Variants in KDM4C observed in about 807,000 individuals in gnomAD.
KDM4C encodes lysine demethylase 4C.
In KDM4C, 81 loss-of-function variants were observed where a neutral mutation model predicts 129.3. The observed-to-expected ratio is 0.63, with a 90% CI of 0.52 to 0.75. The LOEUF (loss-of-function observed/expected upper bound fraction) is 0.75. KDM4C is among the 30% of genes least tolerant of loss of function. The pLI, the probability that KDM4C is intolerant of heterozygous loss-of-function variation, is 0.00. For synonymous variants in KDM4C, 573 were observed against 456.1 expected (o/e 1.26, Z -3.26); for missense variants, 1,457 against 1,304.0 (o/e 1.12, Z -1.81).
At chr9:7,024,809 T>C (rs896251642) in intron 15 of KDM4C, among the ~76,000 whole-genome samples, 9 of 152,218 alleles carry the variant, frequency 5.9e-5, no homozygotes, top group Admixed American at 1.3e-4. Context: ...TGCATGTGTC[T>C]TTATAGCAGC....
chr9:6,732,773 G>A (rs1817394771), intron 1 of KDM4C, among the ~76,000 whole-genome samples: 1 of 151,828 alleles, frequency 6.6e-6, no homozygotes, highest in Non-Finnish European at 1.5e-5. Flanking sequence ...AGCACTTTGG[G>A]AGGCCGAGAT....
intron 14 of KDM4C, among the ~76,000 whole-genome samples, chr9:7,015,529 TTATTA>T (rs1279376112): frequency 6.6e-5 from 10 of 152,120 alleles, no homozygotes; most frequent in African/African-American, 2.4e-4. Flanking sequence ...TAAAATGTAT[TTATTA>T]TATTATTTTT....
chr9:6,809,249 C>G (rs1246067585), intron 3 of KDM4C, among the ~76,000 whole-genome samples: 1 of 152,184 alleles, frequency 6.6e-6, no homozygotes, highest in Non-Finnish European at 1.5e-5. Context: ...TAATCGAGAA[C>G]ATGAAACTTT....
chr9:7,056,578 A>T (rs536282374), intron 17 of KDM4C, among the ~76,000 whole-genome samples: 1 of 152,214 alleles, frequency 6.6e-6, no homozygotes, highest in Admixed American at 6.5e-5. Context: ...ATGAAATGTT[A>T]TCTTGTTACT....
intron 8 of KDM4C, among the ~76,000 whole-genome samples, chr9:6,960,601 A>T (rs1829872008): frequency 6.6e-6 from 1 of 152,214 alleles, no homozygotes; most frequent in African/African-American, 2.4e-5. Context: ...GAAAGTAGGA[A>T]AAAAGGAAGT....
intron 17 of KDM4C, among the ~76,000 whole-genome samples, chr9:7,101,754 C>G (rs1163547969): frequency 6.6e-6 from 1 of 152,160 alleles, no homozygotes; most frequent in Non-Finnish European, 1.5e-5. Flanking sequence ...TTAGCTAAGT[C>G]ACAACACTGT....
At chr9:7,077,352 C>A in intron 17 of KDM4C, 1 of 395,602 alleles carries the variant, frequency 2.5e-6, no homozygotes, top group Non-Finnish European at 3.4e-6. Context: ...TCAACTACGG[C>A]TGAAAAAAAA....
chr9:6,787,575 G>A (rs560874313), intron 1 of KDM4C, among the ~76,000 whole-genome samples: 12 of 152,286 alleles, frequency 7.9e-5, no homozygotes, highest in African/African-American at 2.4e-4. Flanking sequence ...ATCTTGATTC[G>A]TATTTCTCTT....
At chr9:6,906,546 C>T (rs1357319579) in intron 8 of KDM4C, among the ~76,000 whole-genome samples, 1 of 152,198 alleles carries the variant, frequency 6.6e-6, no homozygotes, top group East Asian at 1.9e-4. Flanking sequence ...ACTACAGGTG[C>T]TCCCACCTCA....
intron 6 of KDM4C, among the ~76,000 whole-genome samples, chr9:6,887,606 A>C (rs557176423): frequency 7.2e-4 from 110 of 152,286 alleles, no homozygotes; most frequent in Admixed American, 1.9e-3. Flanking sequence ...CCAGCATCCC[A>C]CGTATTTATC....
At chr9:7,019,904 G>A (rs978882662) in intron 15 of KDM4C, among the ~76,000 whole-genome samples, 1 of 151,570 alleles carries the variant, frequency 6.6e-6, no homozygotes, top group Non-Finnish European at 1.5e-5. Context: ...AAAGTGGAGG[G>A]TGTACGCATG....
chr9:6,831,632 G>T (rs1056030568), intron 4 of KDM4C, among the ~76,000 whole-genome samples: 2 of 152,084 alleles, frequency 1.3e-5, no homozygotes, highest in Non-Finnish European at 2.9e-5. Flanking sequence ...GTAAGCCAGC[G>T]CACCCGGCCT....
intron 8 of KDM4C, among the ~76,000 whole-genome samples, chr9:6,975,592 A>C (rs1422504867): frequency 6.6e-6 from 1 of 152,200 alleles, no homozygotes; most frequent in East Asian, 1.9e-4. Context: ...TATTTAACAA[A>C]CATTTTTAAG....
intron 8 of KDM4C, among the ~76,000 whole-genome samples, chr9:6,950,130 A>G (rs1057380445): frequency 7.2e-6 from 1 of 138,692 alleles, no homozygotes; most frequent in Non-Finnish European, 1.5e-5. Context: ...TAAAAATGGT[A>G]TGTATTTACA....
At chr9:7,164,350 T>TAAAAAAAAAA (rs113564814) in intron 19 of KDM4C, among the ~76,000 whole-genome samples, 7 of 148,328 alleles carry the variant, frequency 4.7e-5, no homozygotes, top group African/African-American at 2.5e-5. Context: ...TGCCACGCCT[T>TAAAAAAAAAA]AAAAAAACAA....
intron 4 of KDM4C, chr9:6,834,523 G>T (rs7025361): frequency 4.0e-4 from 262 of 662,570 alleles, no homozygotes; most frequent in Non-Finnish European, 6.2e-4. Context: ...GGCTTCGCAG[G>T]TGACGATGAC....
intron 1 of KDM4C, among the ~76,000 whole-genome samples, chr9:6,767,967 T>C (rs1423619948): frequency 1.3e-5 from 2 of 152,172 alleles, no homozygotes; most frequent in Non-Finnish European, 2.9e-5. Context: ...ATATTTCTTT[T>C]AGTATTTTCA....
intron 9 of KDM4C, chr9:6,981,861 T>C (rs1482698968): frequency 7.1e-6 from 2 of 279,962 alleles, no homozygotes; most frequent in Admixed American, 6.8e-5. Flanking sequence ...GTAATATTTG[T>C]GCATTGGAGG....
At chr9:6,908,378 A>G (rs993979133) in intron 8 of KDM4C, among the ~76,000 whole-genome samples, 2 of 152,220 alleles carry the variant, frequency 1.3e-5, no homozygotes, top group Non-Finnish European at 2.9e-5. Flanking sequence ...AGACAGGCAC[A>G]CACAGTACAA....
Sources: gnomAD v4.1 joint callset for allele counts (sites outside exome capture counted in the v4.1 genomes callset) on GRCh38, gnomAD v4.1.1 for gene constraint, MANE v1.5 for transcripts, NCBI Gene and HGNC (gene_info 2026-07-23, HGNC 2026-07-21) for gene names.